CDH23: variants seen among roughly 807,000 people sequenced by gnomAD.
CDH23 encodes the protein cadherin-23.
Under a neutral mutation model 317.1 loss-of-function variants are expected in CDH23, and 189 were observed. The ratio of observed to expected loss-of-function variants is 0.60; its 90% CI spans 0.53 to 0.67. The LOEUF is 0.67. CDH23 is among the 30% of genes least tolerant of loss of function. The pLI, the probability that CDH23 is intolerant of heterozygous loss-of-function variation, is 0.00. For missense variants in CDH23, 4,401 were observed against 4,592.4 expected, an observed-to-expected ratio of 0.96 and a Z score of 1.20; for synonymous variants, 1,839 against 1,876.8, an observed-to-expected ratio of 0.98 and a Z score of 0.52.
chr10:71,640,271 T>C (rs1862474764), intron 11 of CDH23, among the ~76,000 whole-genome samples: 2 of 152,146 alleles, frequency 1.3e-5, no homozygotes, highest in African/African-American at 4.8e-5. Flanking sequence ...CTGCACACGA[T>C]TGGTGCCGCC....
intron 11 of CDH23, among the ~76,000 whole-genome samples, chr10:71,640,576 C>G (rs571668288): frequency 4.6e-5 from 7 of 152,056 alleles, no homozygotes; most frequent in Non-Finnish European, 1.0e-4. Flanking sequence ...GGTGAAACCC[C>G]GTCTCTACTA....
chr10:71,710,693 G>T (rs1865940082), intron 27 of CDH23, among the ~76,000 whole-genome samples: 1 of 152,196 alleles, frequency 6.6e-6, no homozygotes, highest in African/African-American at 2.4e-5. Flanking sequence ...AGCCTTGGAG[G>T]CCACATAAGG....
At chr10:71,631,147 G>A (rs1861996752) in intron 11 of CDH23, among the ~76,000 whole-genome samples, 1 of 152,190 alleles carries the variant, frequency 6.6e-6, no homozygotes, top group Non-Finnish European at 1.5e-5. Context: ...GGGGAGCTGA[G>A]GCAGCAGGAT....
chr10:71,601,969 G>A (rs983024723), intron 9 of CDH23, among the ~76,000 whole-genome samples: 3 of 151,086 alleles, frequency 2.0e-5, no homozygotes, highest in Non-Finnish European at 4.4e-5. Context: ...GGAGGGGGGG[G>A]GGCTCTGCAG....
intron 6 of CDH23, among the ~76,000 whole-genome samples, chr10:71,557,154 A>G (rs952748587): frequency 1.3e-5 from 2 of 152,224 alleles, no homozygotes; most frequent in Non-Finnish European, 1.5e-5. Flanking sequence ...TGTACACAGT[A>G]TTATGATTAT....
intron 1 of CDH23, among the ~76,000 whole-genome samples, chr10:71,435,516 T>G (rs950711708): frequency 6.6e-6 from 1 of 152,192 alleles, no homozygotes; most frequent in African/African-American, 2.4e-5. Context: ...TGTGTCTTCT[T>G]AGGAGGAGGG....
chr10:71,604,444 G>A (rs1589254708), intron 9 of CDH23, among the ~76,000 whole-genome samples: 1 of 152,102 alleles, frequency 6.6e-6, no homozygotes, highest in East Asian at 1.9e-4. Flanking sequence ...CCTTGTTATT[G>A]CCCCTTTTCT....
At chr10:71,753,556 G>A (rs567748966) in intron 38 of CDH23, among the ~76,000 whole-genome samples, 23 of 152,280 alleles carry the variant, frequency 1.5e-4, no homozygotes, top group Admixed American at 1.0e-3. Flanking sequence ...ACCTTACAAG[G>A]TGCAAGTCCC....
chr10:71,525,949 C>G (rs547203747), intron 6 of CDH23, among the ~76,000 whole-genome samples: 1 of 152,340 alleles, frequency 6.6e-6, no homozygotes, highest in South Asian at 2.1e-4. Context: ...GGTGCCAAGC[C>G]CATGCTTGGT....
At chr10:71,487,664 C>T (rs1468083354) in intron 3 of CDH23, among the ~76,000 whole-genome samples, 2 of 152,108 alleles carry the variant, frequency 1.3e-5, no homozygotes, top group South Asian at 2.1e-4. Context: ...CACTTTTCTC[C>T]GTATGGCCCT....
At chr10:71,697,917 G>A (rs904613916) in intron 22 of CDH23, among the ~76,000 whole-genome samples, 24 of 152,180 alleles carry the variant, frequency 1.6e-4, no homozygotes, top group Non-Finnish European at 3.5e-4. Flanking sequence ...GGAGATTTTT[G>A]GTGCCCCAGG....
chr10:71,494,991 G>A (rs1029771574), intron 3 of CDH23, among the ~76,000 whole-genome samples: 9 of 152,136 alleles, frequency 5.9e-5, no homozygotes, highest in African/African-American at 1.2e-4. Context: ...GCCTGAAGGC[G>A]CTTGCTCACC....
intron 46 of CDH23, 110 bp from the exon 47 acceptor site, chr10:71,791,022 G>A (rs1017796016): frequency 3.6e-6 from 3 of 827,048 alleles, no homozygotes; most frequent in Non-Finnish European, 1.9e-6. Flanking sequence ...TTTCATCTCT[G>A]TCCCATGGTG....
chr10:71,791,098 G>A (rs779515681), intron 46 of CDH23, 34 bp from the exon 47 acceptor site: 16 of 1,561,884 alleles, frequency 1.0e-5, no homozygotes, highest in Non-Finnish European at 1.4e-5. Flanking sequence ...CCCCTTTTCT[G>A]TGTGTTTCCC....
chr10:71,579,521 C>T (rs980913691), intron 9 of CDH23, among the ~76,000 whole-genome samples: 1 of 152,156 alleles, frequency 6.6e-6, no homozygotes, highest in Non-Finnish European at 1.5e-5. Flanking sequence ...AAGAATCTCC[C>T]GGGGCTCCTA....
chr10:71,651,509 GA>G (rs1863169147), intron 14 of CDH23, among the ~76,000 whole-genome samples: 1 of 150,084 alleles, frequency 6.7e-6, no homozygotes, highest in Non-Finnish European at 1.5e-5. Flanking sequence ...AGTGAGCCGT[GA>G]GCCACTGCAC....
At chr10:71,567,513 G>A (rs1236892657) in intron 7 of CDH23, among the ~76,000 whole-genome samples, 1 of 152,228 alleles carries the variant, frequency 6.6e-6, no homozygotes, top group African/African-American at 2.4e-5. Flanking sequence ...AGGCAGGAGA[G>A]GGTAATTATC....
rs56124966 is a variant in CDH23, at chr10:71,500,759, G to GTTTTCTTTTCTTTTCTTTTCTTTTC, written c.146-9286_146-9262dup. Among the ~76,000 whole-genome samples, 36 of 134,614 alleles carry GTTTTCTTTTCTTTTCTTTTCTTTTC rather than the reference G, an allele frequency of 2.7e-4. 1 individual carries two copies. The highest frequency in any genetic ancestry group is 1.3e-3 in the East Asian group (6 of 4,468). The allele number at this position is 134,614 out of a possible 152,430, so 88.3% of individuals were successfully genotyped here. ...TAGGTCACTTTACCCCTCTGAGCCTGTTTTCTTTTCTTTTCTTTTCTTTTC... is the reference window on the plus strand; with the variant it reads ...TAGGTCACTTTACCCCTCTGAGCCTGTTTTCTTTTCTTTTCTTTTCTTTTCTTTTCTTTTCTTTTCTTTTCTTTTC... On this transcript the variant is annotated intron_variant, in intron 3 of 69. Transcript: ENST00000224721.
At position 71,645,417 on chromosome 10, in the gene CDH23, G is replaced by A. The variant is rs540970696; in HGVS notation, c.1141-414G>A. On this transcript the variant is annotated intron_variant, in intron 12 of 69. Coordinates refer to ENST00000224721, the MANE Select transcript of CDH23 (RefSeq NM_022124.6). ...TCTCCTGGCCAAGCCTGTCATGGCCGCTTAACTGCTTCTCTTCTCTCCACT... is the reference window on the plus strand; with the variant it reads ...TCTCCTGGCCAAGCCTGTCATGGCCACTTAACTGCTTCTCTTCTCTCCACT... 8.5e-5 allele frequency among the ~76,000 whole-genome samples: 13 copies of A among 152,288 alleles called. No homozygotes were observed. The East Asian group carries it at 1.2e-3, about 14-fold the overall frequency.
Sources: gnomAD v4.1 joint callset for allele counts (sites outside exome capture counted in the v4.1 genomes callset) on GRCh38, gnomAD v4.1.1 for gene constraint, MANE v1.5 for transcripts, NCBI Gene and HGNC (gene_info 2026-07-23, HGNC 2026-07-21) for gene names.